The following EP400 variants were observed in gnomAD, a reference collection of about 807,000 sequenced individuals.
EP400 encodes the protein E1A binding protein p400.
EP400 carries 105 observed loss-of-function variants against 354.1 expected under a neutral mutation model. That is an observed-to-expected ratio of 0.30 (90% CI 0.25 to 0.35). The LOEUF is 0.35. Among genes scored for constraint, EP400 ranks in the 10% least tolerant of loss-of-function variants. The pLI, the probability that EP400 is intolerant of heterozygous loss-of-function variation, is 1.00. For synonymous variants in EP400, 1,646 were observed against 1,716.9 expected (o/e 0.96, Z 1.02); for missense variants, 3,280 against 4,121.0 (o/e 0.80, Z 5.59).
chr12:132,060,397 GA>G lies in EP400; in HGVS notation c.7885-1710del, dbSNP rs376820994. 1.8e-3 allele frequency among the ~76,000 whole-genome samples: 275 copies of G among 152,294 alleles called. 2 individuals carry two copies. Among genetic ancestry groups the G allele is most frequent in the Non-Finnish European group, 3.3e-3 (224 of 68,024 alleles). On this transcript the variant is annotated intron_variant, in intron 45 of 52. Coordinates refer to ENST00000389561, the MANE Select transcript of EP400 (RefSeq NM_015409.5). ...CTAATGACACTGATGCGTATATGTA[GA>G]AAGTCTAATCCCAGTCAAGGATGAG...
At chr12:131,960,445 A>G (rs552270646) in intron 1 of EP400, 140 bp from the exon 2 acceptor site, 55 of 870,224 alleles carry the variant, frequency 6.3e-5, no homozygotes, top group Non-Finnish European at 8.9e-5. Flanking sequence ...CAGCTGTGCC[A>G]TATTGAATGT....
At chr12:132,063,677 A>G (rs1026361821) in intron 47 of EP400, among the ~76,000 whole-genome samples, 2 of 152,056 alleles carry the variant, frequency 1.3e-5, no homozygotes, top group Non-Finnish European at 2.9e-5. Context: ...TCTGGAAGGG[A>G]GGAAGTGGGC....
At chr12:132,001,778 C>G (rs1050418683) in intron 12 of EP400, among the ~76,000 whole-genome samples, 2 of 152,238 alleles carry the variant, frequency 1.3e-5, no homozygotes, top group African/African-American at 4.8e-5. Flanking sequence ...TCACTCCTCA[C>G]TATGTCTCCT....
chr12:131,984,768 C>T (rs1012602548), intron 5 of EP400, among the ~76,000 whole-genome samples: 2 of 151,668 alleles, frequency 1.3e-5, no homozygotes, highest in African/African-American at 2.4e-5. Flanking sequence ...GCACGATCTC[C>T]GCTCACTGCA....
rs1390041598 is a variant in EP400, at chr12:132,021,236, G to A, written c.4605G>A (p.Gln1535=). 3.2e-6 allele frequency: 5 copies of A among 1,560,860 alleles called. No homozygotes were observed. Among genetic ancestry groups the A allele is most frequent in the Admixed American group, 1.8e-5 (1 of 54,134 alleles). The part of the protein sequence containing the change: ...QASTPGQPPP[Q]PQAPSHAAGQ... ...CCACCCCAGGCCAGCCCCCGCCCCA[G>A]CCCCAGGCCCCCTCGCACGCGGCCG... The change falls in exon 23 of 53, where the codon CAG becomes CAA. Residue 1535 remains glutamine (Q), a synonymous_variant. Transcript: ENST00000389561.
chr12:131,981,761 A>C (rs974837664), intron 4 of EP400, among the ~76,000 whole-genome samples, 165 bp downstream of exon 4: 1 of 152,186 alleles, frequency 6.6e-6, no homozygotes, highest in African/African-American at 2.4e-5. Flanking sequence ...TCATATGCAA[A>C]GCCCCTGGAG....
intron 12 of EP400, among the ~76,000 whole-genome samples, chr12:131,999,889 G>C (rs1396927859): frequency 6.6e-6 from 1 of 151,384 alleles, no homozygotes; most frequent in African/African-American, 2.4e-5. Context: ...TTCCGATCTT[G>C]GCTGTGTTTG....
chr12:132,010,419 T>C (rs527634544), intron 15 of EP400, among the ~76,000 whole-genome samples: 1 of 152,330 alleles, frequency 6.6e-6, no homozygotes, highest in South Asian at 2.1e-4. Flanking sequence ...TGTCCTGTTA[T>C]ATTTTTTTCT....
chr12:132,016,108 G>A (rs540965328), intron 19 of EP400, among the ~76,000 whole-genome samples: 215 of 152,288 alleles, frequency 1.4e-3, no homozygotes, highest in Non-Finnish European at 2.5e-3. Flanking sequence ...ACCATCCGTC[G>A]TCTCAGCCAT....
chr12:131,964,257 A>G (rs754804921), intron 2 of EP400, among the ~76,000 whole-genome samples: 1 of 152,198 alleles, frequency 6.6e-6, no homozygotes, highest in Non-Finnish European at 1.5e-5. Flanking sequence ...ACCTGAGGTC[A>G]GGAATTCGAG....
intron 12 of EP400, among the ~76,000 whole-genome samples, chr12:131,996,826 T>C (rs1201190000): frequency 3.3e-5 from 5 of 152,216 alleles, no homozygotes; most frequent in African/African-American, 9.6e-5. Flanking sequence ...TCTTTCCTTA[T>C]TGACTTGTTG....
At chr12:132,057,502 G>A (rs1024602971) in intron 45 of EP400, among the ~76,000 whole-genome samples, 1 of 152,210 alleles carries the variant, frequency 6.6e-6, no homozygotes, top group Admixed American at 6.5e-5. Flanking sequence ...AGAGGAATTC[G>A]AGAACGTTGG....
intron 51 of EP400, among the ~76,000 whole-genome samples, chr12:132,074,152 T>A (rs1297173167): frequency 6.9e-6 from 1 of 145,812 alleles, no homozygotes; most frequent in Non-Finnish European, 1.5e-5. Context: ...CTCGAACACC[T>A]GACCTCAGGT....
At chr12:132,000,700 G>A (rs1396967359) in intron 12 of EP400, among the ~76,000 whole-genome samples, 1 of 152,146 alleles carries the variant, frequency 6.6e-6, no homozygotes, top group Admixed American at 6.6e-5. Context: ...CTTGATTCTA[G>A]ATAATTTTAT....
At chr12:132,072,753 T>A (rs1896102564) in intron 51 of EP400, among the ~76,000 whole-genome samples, 1 of 152,252 alleles carries the variant, frequency 6.6e-6, no homozygotes. Context: ...CGTGTTTAGA[T>A]GTCCCATTCT....
chr12:131,972,651 A>G, intron 2 of EP400, among the ~76,000 whole-genome samples: 1 of 152,032 alleles, frequency 6.6e-6, no homozygotes, highest in South Asian at 2.1e-4. Flanking sequence ...GAACCGTTCT[A>G]AGCAGAAATT....
intron 51 of EP400, among the ~76,000 whole-genome samples, chr12:132,071,311 A>T (rs1896061537): frequency 6.6e-6 from 1 of 152,052 alleles, no homozygotes; most frequent in Non-Finnish European, 1.5e-5. Context: ...TCATGTCTGT[A>T]GCCACTTACT....
At chr12:131,963,505 T>C (rs1389057876) in intron 2 of EP400, 1 of 1,546,992 alleles carries the variant, frequency 6.5e-7, no homozygotes, top group East Asian at 2.3e-5. Flanking sequence ...TTATGTTGCC[T>C]TTTTTTCTCA....
chr12:132,017,498 T>C lies in EP400; in HGVS notation c.3924-37T>C, dbSNP rs570992674. 2.5e-6 allele frequency: 4 copies of C among 1,606,986 alleles called. No individual in the cohort carries two copies. The African/African-American group carries it at 5.4e-5, about 21-fold the overall frequency. ...GGTGGGACTATGTCCATGTGCCGTT[T>C]GGATTGAATGCTTCGTGTTTCTTTC... On this transcript the variant is annotated intron_variant, in intron 19 of 52. Transcript: ENST00000389561. The surrounding 1 kb of genome is among the most constrained non-coding windows in gnomAD (Gnocchi z 5.0).
Sources: gnomAD v4.1 joint callset for allele counts (sites outside exome capture counted in the v4.1 genomes callset) on GRCh38, gnomAD v4.1.1 for gene constraint, Gnocchi (gnomAD v3.1) non-coding constraint, MANE v1.5 for transcripts, NCBI Gene and HGNC (gene_info 2026-07-23, HGNC 2026-07-21) for gene names.